PECAM1: variants seen among roughly 807,000 people sequenced by gnomAD.
PECAM1 encodes the protein platelet endothelial cell adhesion molecule.
In PECAM1, 8 loss-of-function variants were observed where a neutral mutation model predicts 13.8. That is an observed-to-expected ratio of 0.58 (90% CI 0.34 to 1.05). PECAM1 has a LOEUF of 1.05. PECAM1 is among the 50% of genes least tolerant of loss of function. The pLI is 0.03. For missense variants in PECAM1, 304 were observed against 141.2 expected (o/e 2.15, Z -5.84); for synonymous variants, 136 against 52.6 (o/e 2.58, Z -6.86).
chr17:64,340,106 G>A (rs1359536128), intron 14 of PECAM1, among the ~76,000 whole-genome samples: 1 of 152,102 alleles, frequency 6.6e-6, no homozygotes, highest in Non-Finnish European at 1.5e-5. Flanking sequence ...CAGCTGAGAT[G>A]GCACTGCTGT....
At chr17:64,373,426 T>C (rs12944400) in intron 4 of PECAM1, among the ~76,000 whole-genome samples, 62,589 of 151,884 alleles carry the variant, frequency 0.41, 14,219 homozygotes, top group South Asian at 0.58. Flanking sequence ...TCTATATTTC[T>C]TCATATGGAC....
chr17:64,348,980 A>AGCT lies in PECAM1; in HGVS notation c.2045-659_2045-658insAGC, dbSNP rs368103754. Among the ~76,000 whole-genome samples the AGCT allele has an allele frequency of 4.3e-3, 649 of 152,214 alleles. 2 individuals are homozygous for AGCT. The highest frequency in any genetic ancestry group is 0.015 in the African/African-American group (628 of 41,512). The stretch of plus-strand genomic sequence containing the variant: ...TGGAACAGGTCAGTAGAGACAGAAA[A>AGCT]CAGCCCAGTATCAGCCCCAGCAGTT... On this transcript the variant is annotated intron_variant, in intron 12 of 15. Transcript: ENST00000563924.
intron 14 of PECAM1, among the ~76,000 whole-genome samples, chr17:64,336,258 C>T (rs2035272339): frequency 9.6e-6 from 1 of 104,272 alleles, no homozygotes; most frequent in South Asian, 4.3e-4. Context: ...AGAGCGAAGA[C>T]CCTGTCTCAA....
intron 14 of PECAM1, among the ~76,000 whole-genome samples, chr17:64,333,823 G>A (rs1369190676): frequency 2.0e-5 from 3 of 151,264 alleles, no homozygotes; most frequent in Non-Finnish European, 2.9e-5. Flanking sequence ...TGCTGGGTGC[G>A]GTGGTGCATG....
At chr17:64,378,641 A>G in intron 2 of PECAM1, among the ~76,000 whole-genome samples, 1 of 148,628 alleles carries the variant, frequency 6.7e-6, no homozygotes, top group Non-Finnish European at 1.5e-5. Flanking sequence ...GACTGTCTCA[A>G]AAGACAAAAA....
chr17:64,369,211 G>C (rs1252588701), intron 5 of PECAM1, among the ~76,000 whole-genome samples: 1 of 152,088 alleles, frequency 6.6e-6, no homozygotes, highest in Non-Finnish European at 1.5e-5. Context: ...TGGGATTACA[G>C]ACGTGAGCCA....
intron 12 of PECAM1, among the ~76,000 whole-genome samples, chr17:64,349,296 A>G (rs975940421): frequency 6.6e-6 from 1 of 152,188 alleles, no homozygotes; most frequent in Admixed American, 6.5e-5. Context: ...GCAGTCAAAG[A>G]TACATTTCAG....
intron 14 of PECAM1, among the ~76,000 whole-genome samples, chr17:64,338,257 T>C (rs1355494821): frequency 2.4e-4 from 35 of 148,142 alleles, no homozygotes; most frequent in Admixed American, 1.5e-3. Flanking sequence ...TTTTTTTTTT[T>C]TTTTTAGAGA....
intron 2 of PECAM1, among the ~76,000 whole-genome samples, chr17:64,384,706 A>G (rs1333905961): frequency 1.3e-5 from 2 of 152,208 alleles, no homozygotes; most frequent in Admixed American, 6.5e-5. Context: ...TTTATCTGCA[A>G]TCTAATGAGA....
At chr17:64,356,474 CT>C (rs201490938) in intron 7 of PECAM1, 76 bp from the exon 8 acceptor site, 28,117 of 300,730 alleles carry the variant, frequency 0.093, 28 homozygotes, top group East Asian at 0.17. Flanking sequence ...CACTGCTCAA[CT>C]TTTTTTTTTT....
chr17:64,340,408 TGCAGAAATGTCC>T (rs2035395835), intron 14 of PECAM1, among the ~76,000 whole-genome samples: 1 of 152,146 alleles, frequency 6.6e-6, no homozygotes, highest in Non-Finnish European at 1.5e-5. Flanking sequence ...AGCCACCCTT[TGCAGAAATGTCC>T]TGGACCATTT....
chr17:64,325,008 A>G (rs1161842082), intron 15 of PECAM1, among the ~76,000 whole-genome samples: 1 of 152,252 alleles, frequency 6.6e-6, no homozygotes, highest in Non-Finnish European at 1.5e-5. Context: ...CTGGAGATGG[A>G]TAGTGGTGGT....
At chr17:64,326,194 C>A (rs2034954139) in intron 15 of PECAM1, among the ~76,000 whole-genome samples, 1 of 152,174 alleles carries the variant, frequency 6.6e-6, no homozygotes, top group Non-Finnish European at 1.5e-5. Flanking sequence ...GAAGAGCAGG[C>A]AGCACCTAAG....
Position 64,324,245 on chromosome 17 carries a change from C to T in PECAM1, c.2188-400G>A, listed in dbSNP as rs1347206065. Among the ~76,000 whole-genome samples, 14 of 152,146 alleles carry T rather than the reference C, an allele frequency of 9.2e-5. No individual in the cohort carries two copies. The East Asian group carries it at 2.1e-3, about 23-fold the overall frequency. On this transcript the variant is annotated intron_variant, in intron 15 of 15. Transcript: ENST00000563924. ...CACCCACTCAAGACATTGTCAGGAA[C>T]GTCTTAAGACCTCAGGAGACCACTT...
intron 13 of PECAM1, among the ~76,000 whole-genome samples, chr17:64,347,670 G>T: frequency 2.8e-5 from 1 of 35,650 alleles, no homozygotes; most frequent in African/African-American, 4.9e-5. Context: ...TATACACAAA[G>T]AAAACATATA....
rs1333117967 is a variant in PECAM1, at chr17:64,390,746, A to G, written c.-81T>C. The G allele has an allele frequency of 1.5e-5, 6 of 407,918 alleles. No homozygotes were observed. The highest frequency in any genetic ancestry group is 1.2e-4 in the African/African-American group (6 of 48,750). 25.3% of individuals were successfully genotyped at this position (407,918 alleles called of 1,614,324 possible). On this transcript the variant is annotated 5_prime_UTR_variant, in exon 1 of 16. Coordinates refer to ENST00000563924, the MANE Select transcript of PECAM1 (RefSeq NM_000442.5). ...CAGCAGAAGGCACTGCCCACAAGTCACCGTTGAGAAACCCGCCCTGTGAAA... is the reference window on the plus strand; with the variant it reads ...CAGCAGAAGGCACTGCCCACAAGTCGCCGTTGAGAAACCCGCCCTGTGAAA...
chr17:64,337,159 A>G (rs2035301564), intron 14 of PECAM1, among the ~76,000 whole-genome samples: 1 of 151,558 alleles, frequency 6.6e-6, no homozygotes, highest in East Asian at 1.9e-4. Context: ...GCAGGCCCCG[A>G]GGGCTACAGC....
chr17:64,337,017 AAG>A (rs1238198447), intron 14 of PECAM1, among the ~76,000 whole-genome samples: 6 of 152,014 alleles, frequency 3.9e-5, no homozygotes, highest in African/African-American at 1.2e-4. Context: ...GAGAGAGAGA[AAG>A]AGAGAAAGAA....
chr17:64,372,941 C>T (rs2036274217), intron 4 of PECAM1, among the ~76,000 whole-genome samples: 1 of 150,862 alleles, frequency 6.6e-6, no homozygotes, highest in Admixed American at 6.6e-5. Context: ...ATGGAGAAAC[C>T]CCATCTCAAC....
Sources: allele counts gnomAD v4.1 joint callset (sites outside exome capture counted in the v4.1 genomes callset), GRCh38; gene constraint gnomAD v4.1.1; transcripts MANE v1.5; gene names NCBI Gene and HGNC (gene_info 2026-07-23, HGNC 2026-07-21).